ATRN: variants seen among roughly 807,000 people sequenced by gnomAD.
ATRN encodes the protein attractin, also known as attractin-2.
ATRN carries 54 observed loss-of-function variants against 178.7 expected under a neutral mutation model. The observed-to-expected ratio is 0.30, with a 90% CI of 0.24 to 0.38. The LOEUF is 0.38. Among genes scored for constraint, ATRN ranks in the 10% least tolerant of loss-of-function variants. The probability of loss-of-function intolerance (pLI) is 1.00; values close to 1 mark genes in which losing one functional copy is unlikely to be tolerated. For missense variants in ATRN, 1,443 were observed against 1,815.1 expected, an observed-to-expected ratio of 0.79 and a Z score of 3.73; for synonymous variants, 636 against 663.0, an observed-to-expected ratio of 0.96 and a Z score of 0.63.
intron 16 of ATRN, 96 bp from the exon 17 acceptor site, chr20:3,583,802 G>A (rs570699337): frequency 1.3e-4 from 168 of 1,276,280 alleles, no homozygotes; most frequent in South Asian, 1.1e-3. Flanking sequence ...GTGAGACTCC[G>A]TCTCAAAAAA....
At chr20:3,495,672 A>G (rs1237468170) in intron 1 of ATRN, among the ~76,000 whole-genome samples, 1 of 152,080 alleles carries the variant, frequency 6.6e-6, no homozygotes, top group Non-Finnish European at 1.5e-5. Flanking sequence ...TGGTTAAATA[A>G]AATATGACTT....
intron 1 of ATRN, among the ~76,000 whole-genome samples, chr20:3,522,423 T>G (rs1262621881): frequency 6.6e-6 from 1 of 152,216 alleles, no homozygotes; most frequent in Non-Finnish European, 1.5e-5. Flanking sequence ...AGTCAGGGGC[T>G]TATAGATAAA....
intron 1 of ATRN, among the ~76,000 whole-genome samples, chr20:3,493,485 G>A (rs2084836264): frequency 6.6e-6 from 1 of 151,962 alleles, no homozygotes; most frequent in African/African-American, 2.4e-5. Flanking sequence ...TGTAGAGATA[G>A]GGTCTCACAG....
rs10582104 is a variant in ATRN, at chr20:3,565,796, CAAAAAAAAAA to C, written c.1871+379_1871+388del. Among the ~76,000 whole-genome samples the C allele has an allele frequency of 2.8e-3, 276 of 100,244 alleles. 2 individuals carry two copies. The highest frequency in any genetic ancestry group is 0.01 in the African/African-American group (264 of 25,958). The allele number at this position is 100,244 out of a possible 152,430, so 65.8% of individuals were successfully genotyped here. The stretch of plus-strand genomic sequence containing the variant: ...CTGGCAACAGAGCAAGACTCTGTCT[CAAAAAAAAAA>C]AAAAAAAAAAAAAAGAGAAAAGTAA... On this transcript the variant is annotated intron_variant, in intron 11 of 28. Coordinates refer to ENST00000262919, the MANE Select transcript of ATRN (RefSeq NM_139321.3).
chr20:3,586,500 A>G (rs1221930225), intron 18 of ATRN, among the ~76,000 whole-genome samples: 3 of 151,606 alleles, frequency 2.0e-5, no homozygotes, highest in South Asian at 2.1e-4. Flanking sequence ...AAAAAATGCT[A>G]TGTGAAAGAA....
intron 10 of ATRN, among the ~76,000 whole-genome samples, 165 bp downstream of exon 10, chr20:3,563,528 A>G (rs916816528): frequency 2.0e-5 from 3 of 152,238 alleles, no homozygotes. Context: ...CACATCTGGT[A>G]AAAATTATTT....
chr20:3,560,945 G>A (rs573014272), intron 8 of ATRN, 40 bp downstream of exon 8: 253 of 1,601,488 alleles, frequency 1.6e-4, no homozygotes, highest in Non-Finnish European at 2.1e-4. Flanking sequence ...TTGAACATCA[G>A]ATTTAAAACC....
At chr20:3,490,237 G>T (rs755320083) in intron 1 of ATRN, 49 of 1,512,650 alleles carry the variant, frequency 3.2e-5, no homozygotes, top group South Asian at 2.4e-4. Context: ...ATTTCAATCT[G>T]TCCAAACCCA....
intron 1 of ATRN, among the ~76,000 whole-genome samples, chr20:3,476,848 A>C (rs2084538607): frequency 6.6e-6 from 1 of 152,254 alleles, no homozygotes; most frequent in African/African-American, 2.4e-5. Context: ...CAACAAAAGC[A>C]AAACTCTGTC....
chr20:3,560,983 A>G (rs1255088652), intron 8 of ATRN, 78 bp downstream of exon 8: 3 of 1,537,664 alleles, frequency 2.0e-6, no homozygotes, highest in African/African-American at 2.7e-5. Flanking sequence ...GACTGTTTAG[A>G]AAAGTTCAAC....
chr20:3,484,917 T>TTAC (rs1427142639), intron 1 of ATRN, among the ~76,000 whole-genome samples: 3 of 132,934 alleles, frequency 2.3e-5, no homozygotes, highest in Non-Finnish European at 3.4e-5. Context: ...AAAATTATTA[T>TTAC]TATTATTATT....
intron 19 of ATRN, among the ~76,000 whole-genome samples, chr20:3,594,124 CCACACCCAG>C (rs1431971191): frequency 6.6e-6 from 1 of 152,118 alleles, no homozygotes; most frequent in African/African-American, 2.4e-5. Context: ...GTCTGTGTCC[CCACACCCAG>C]CACCTGGCAT....
chr20:3,555,448 G>A (rs1189868641), intron 6 of ATRN, among the ~76,000 whole-genome samples: 1 of 152,126 alleles, frequency 6.6e-6, no homozygotes, highest in African/African-American at 2.4e-5. Flanking sequence ...ATAGTTGCTG[G>A]GGAGGATCAG....
intron 24 of ATRN, 43 bp downstream of exon 24, chr20:3,604,305 A>G: frequency 6.5e-7 from 1 of 1,539,556 alleles, no homozygotes; most frequent in Non-Finnish European, 8.7e-7. Flanking sequence ...AGGTGGTGAA[A>G]TCTCTTTAGT....
chr20:3,542,939 G>A (rs904609253), intron 3 of ATRN, among the ~76,000 whole-genome samples: 2 of 151,888 alleles, frequency 1.3e-5, no homozygotes, highest in South Asian at 2.1e-4. Flanking sequence ...GCACCCGGCC[G>A]AAGATTGCTT....
chr20:3,531,512 A>G lies in ATRN; in HGVS notation c.411-3741A>G, dbSNP rs147614793. On this transcript the variant is annotated intron_variant, in intron 1 of 28. Transcript: ENST00000262919. ...AAAATGAACATTAGTAGGGAAAGGC[A>G]GGAAAAAGTGATACCTCCATAGGTG... 2.8e-3 allele frequency among the ~76,000 whole-genome samples: 426 copies of G among 152,184 alleles called. 2 individuals are homozygous for G. Among genetic ancestry groups the G allele is most frequent in the Non-Finnish European group, 5.1e-3 (348 of 68,028 alleles).
rs544995718 is a variant in ATRN, at chr20:3,638,509, G to A, written c.3943-319G>A. ...GTATTCCATGGTGTATATGTGCCAT[G>A]TTTTCTTTATCCAGTCTATCATTGA... On this transcript the variant is annotated intron_variant, in intron 26 of 28. Transcript: ENST00000262919. The surrounding 1 kb of genome is among the most constrained non-coding windows in gnomAD (Gnocchi z 4.5). 9.3e-4 allele frequency among the ~76,000 whole-genome samples: 141 copies of A among 152,230 alleles called. 1 individual carries two copies. The highest frequency in any genetic ancestry group is 3.3e-3 in the African/African-American group (137 of 41,520).
chr20:3,480,686 A>G (rs1380491042), intron 1 of ATRN, among the ~76,000 whole-genome samples: 2 of 152,180 alleles, frequency 1.3e-5, no homozygotes, highest in Admixed American at 1.3e-4. Flanking sequence ...TACCTCGATG[A>G]AAGGTTCCCA....
chr20:3,605,451 C>G (rs750703746), intron 24 of ATRN, among the ~76,000 whole-genome samples: 3 of 152,162 alleles, frequency 2.0e-5, no homozygotes, highest in Non-Finnish European at 4.4e-5. Context: ...AAGATACATG[C>G]ACATGTATGT....
Sources: gnomAD v4.1 joint callset for allele counts (sites outside exome capture counted in the v4.1 genomes callset) on GRCh38, gnomAD v4.1.1 for gene constraint, Gnocchi (gnomAD v3.1) non-coding constraint, MANE v1.5 for transcripts, NCBI Gene and HGNC (gene_info 2026-07-23, HGNC 2026-07-21) for gene names.